PLCG2: variants seen among roughly 807,000 people sequenced by gnomAD.
PLCG2 encodes the protein phospholipase C gamma 2.
Under a neutral mutation model 175.6 loss-of-function variants are expected in PLCG2, and 69 were observed. That is an observed-to-expected ratio of 0.39 (90% CI 0.32 to 0.48). PLCG2 has a LOEUF of 0.48. Ranked by LOEUF, PLCG2 falls within the 20% of genes least tolerant of loss-of-function variation. PLCG2 has a pLI of 0.91. For synonymous variants in PLCG2, 827 were observed against 624.0 expected (o/e 1.33, Z -4.85); for missense variants, 1,798 against 1,650.9 (o/e 1.09, Z -1.54).
chr16:81,936,494 G>A lies in PLCG2; in HGVS notation c.3052+116G>A, dbSNP rs1021151313. 1.2e-4 allele frequency: 97 copies of A among 804,636 alleles called. No homozygotes were observed. The Middle Eastern group carries it at 1.4e-3, about 12-fold the overall frequency. The allele number at this position is 804,636 out of a possible 1,614,324, so 49.8% of individuals were successfully genotyped here. The stretch of plus-strand genomic sequence containing the variant: ...GTGTCCAAGAATGAGTGATTTGTCC[G>A]AGGGACTGCACGGTTCAGCAGAGTA... On this transcript the variant is annotated intron_variant, in intron 27 of 32. Transcript: ENST00000564138.
Position 81,870,950 on chromosome 16 carries a change from G to T in PLCG2, c.648+15G>T, listed in dbSNP as rs1332148131. 2.2e-6 allele frequency: 3 copies of T among 1,382,702 alleles called. No individual in the cohort carries two copies. The highest frequency in any genetic ancestry group is 1.2e-5 in the South Asian group (1 of 82,416). The allele number at this position is 1,382,702 out of a possible 1,614,324, so 85.7% of individuals were successfully genotyped here. A position where few individuals can be genotyped will look rare whatever the true frequency, so the allele number is the denominator to read the frequency against. On this transcript the variant is annotated intron_variant, in intron 7 of 32. Coordinates refer to ENST00000564138, the MANE Select transcript of PLCG2 (RefSeq NM_002661.5). ...AGCAAAAATCGGTAAGATGATTCTTGAGCAAGTGATCAAGTGATGTTTCTG... is the reference window on the plus strand; with the variant it reads ...AGCAAAAATCGGTAAGATGATTCTTTAGCAAGTGATCAAGTGATGTTTCTG...
intron 18 of PLCG2, among the ~76,000 whole-genome samples, chr16:81,911,577 G>C (rs868628931): frequency 1.0e-4 from 15 of 148,822 alleles, no homozygotes; most frequent in African/African-American, 3.7e-4. Context: ...GGGACTGCAG[G>C]TGTGTGCCAC....
intron 1 of PLCG2, among the ~76,000 whole-genome samples, chr16:81,753,652 C>G (rs145197050): frequency 0.011 from 1,720 of 152,238 alleles, 17 homozygotes; most frequent in Non-Finnish European, 0.018. Context: ...CAAGTGATCT[C>G]CCTGCCTTGG....
Position 81,786,026 on chromosome 16 carries a change from T to C in PLCG2, c.37T>C (p.Tyr13His). Residue 13 changes from tyrosine (Y) to histidine (H), a missense_variant, in exon 2 of 33, where the codon TAT becomes CAT. Coordinates refer to ENST00000564138, the MANE Select transcript of PLCG2 (RefSeq NM_002661.5). ...GGTCAATGTAGATTCCCTTGCGGAA[T>C]ATGAGAAGAGCCAGATCAAGAGAGC... ...TTVNVDSLAE[Y>H]EKSQIKRALE... 1 of 1,614,186 alleles carries C rather than the reference T, an allele frequency of 6.2e-7. No homozygotes were observed. Among genetic ancestry groups the C allele is most frequent in the South Asian group, 1.1e-5 (1 of 91,088 alleles).
intron 30 of PLCG2, among the ~76,000 whole-genome samples, chr16:81,940,719 T>TAGAC (rs1240213337): frequency 4.6e-5 from 7 of 151,886 alleles, no homozygotes; most frequent in African/African-American, 9.7e-5. Context: ...ACAGCTGAGA[T>TAGAC]AGACACTTCC....
intron 15 of PLCG2, among the ~76,000 whole-genome samples, chr16:81,906,846 T>C (rs1160734291): frequency 2.0e-5 from 3 of 152,162 alleles, no homozygotes; most frequent in Non-Finnish European, 2.9e-5. Context: ...GAGACCATCC[T>C]GGCTAACATG....
At chr16:81,753,082 C>T (rs1272091164) in intron 1 of PLCG2, among the ~76,000 whole-genome samples, 1 of 152,222 alleles carries the variant, frequency 6.6e-6, no homozygotes, top group African/African-American at 2.4e-5. Context: ...TCCAGGGTGC[C>T]CCACCAGCTT....
chr16:81,792,168 C>T (rs1326275287), intron 2 of PLCG2, among the ~76,000 whole-genome samples: 1 of 152,142 alleles, frequency 6.6e-6, no homozygotes, highest in Admixed American at 6.5e-5. Flanking sequence ...TGTATTAGTC[C>T]ATTCTTATGG....
chr16:81,777,151 T>A (rs991031363), upstream of PLCG2, among the ~76,000 whole-genome samples: 13 of 152,204 alleles, frequency 8.5e-5, no homozygotes, highest in Non-Finnish European at 1.2e-4. Context: ...ATGTTCTTAT[T>A]TTTTTGCTTG....
At chr16:81,917,746 G>C (rs914852057) in intron 19 of PLCG2, among the ~76,000 whole-genome samples, 2 of 152,076 alleles carry the variant, frequency 1.3e-5, no homozygotes, top group African/African-American at 4.8e-5. Flanking sequence ...TTTTGAGATG[G>C]AGTCTTGCTC....
At chr16:81,812,232 G>T (rs1374086158) in intron 2 of PLCG2, among the ~76,000 whole-genome samples, 1 of 151,758 alleles carries the variant, frequency 6.6e-6, no homozygotes, top group Non-Finnish European at 1.5e-5. Context: ...TGTATTTTTA[G>T]TAGAGACGAA....
chr16:81,765,120 G>A (rs984555867), intron 2 of PLCG2, among the ~76,000 whole-genome samples: 7 of 152,204 alleles, frequency 4.6e-5, no homozygotes, highest in African/African-American at 1.4e-4. Context: ...TCAATGACTG[G>A]TGTGTCATAA....
At chr16:81,810,823 G>A (rs1336875530) in intron 2 of PLCG2, among the ~76,000 whole-genome samples, 2 of 152,020 alleles carry the variant, frequency 1.3e-5, no homozygotes, top group Non-Finnish European at 2.9e-5. Flanking sequence ...TAATTTCATC[G>A]ACCTTATTGT....
chr16:81,857,908 C>T (rs956459641), intron 3 of PLCG2: 5 of 216,292 alleles, frequency 2.3e-5, no homozygotes, highest in African/African-American at 1.1e-4. Flanking sequence ...ATAGGAAAAA[C>T]ACTTAGAACA....
chr16:81,931,582 C>T lies in PLCG2; in HGVS notation c.2667C>T (p.Ala889=), dbSNP rs1180023488. The T allele has an allele frequency of 4.3e-6, 7 of 1,614,070 alleles. No individual in the cohort carries two copies. Among genetic ancestry groups the T allele is most frequent in the Non-Finnish European group, 5.9e-6 (7 of 1,179,980 alleles). Residue 889 remains alanine (A), a synonymous_variant, in exon 25 of 33, where the codon GCC becomes GCT. Coordinates refer to ENST00000564138, the MANE Select transcript of PLCG2 (RefSeq NM_002661.5). ...KQQGDPPVEF[A]TDRVEELFEW... is the part of the protein sequence containing the mutation. ...AGGGCGATCCTCCGGTGGAGTTTGC[C>T]ACAGACAGGGTGGAGGAGCTCTTTG... is the stretch of plus-strand genomic sequence containing the variant.
intron 2 of PLCG2, among the ~76,000 whole-genome samples, chr16:81,800,357 C>T (rs1043203393): frequency 6.6e-6 from 1 of 152,136 alleles, no homozygotes; most frequent in Admixed American, 6.5e-5. Flanking sequence ...CTGATGCTCT[C>T]CTCCATCCTT....
At chr16:81,956,579 A>G in intron 31 of PLCG2, 116 bp from the exon 32 acceptor site, 1 of 762,814 alleles carries the variant, frequency 1.3e-6, no homozygotes, top group Non-Finnish European at 2.1e-6. Context: ...GGCTAATCCA[A>G]GTTGCAAAAC....
Position 81,940,050 on chromosome 16 carries a change from G to T in PLCG2, c.3472G>T (p.Val1158Phe). The change falls in exon 30 of 33, where the codon GTC becomes TTC. Residue 1158 changes from valine to phenylalanine, a missense_variant. Val to Phe is a conservative substitution (Grantham distance 50). Transcript: ENST00000564138. ...TCATGCCACTTACCCCATTAAAGCA[G>T]TCAAATCAGGTAAGAGGCATTTTAA... is the stretch of plus-strand genomic sequence containing the variant. ...LAHATYPIKAVKSGFRSVPLK... is the reference protein window; with the variant it reads ...LAHATYPIKAFKSGFRSVPLK... 6.2e-7 allele frequency: 1 copy of T among 1,609,374 alleles called. No individual in the cohort carries two copies. Among genetic ancestry groups the T allele is most frequent in the Non-Finnish European group, 8.5e-7 (1 of 1,175,902 alleles).
At chr16:81,923,669 C>G in intron 22 of PLCG2, 75 bp downstream of exon 22, 1 of 836,722 alleles carries the variant, frequency 1.2e-6, no homozygotes. Context: ...GACTCAGGTG[C>G]TGGCCAAGTC....
Sources: gnomAD v4.1 joint callset for allele counts (sites outside exome capture counted in the v4.1 genomes callset) on GRCh38, gnomAD v4.1.1 for gene constraint, MANE v1.5 for transcripts, NCBI Gene and HGNC (gene_info 2026-07-23, HGNC 2026-07-21) for gene names.